TACC2: variants seen among roughly 807,000 people sequenced by gnomAD.
TACC2 encodes the protein transforming acidic coiled-coil-containing protein 2.
A neutral mutation model predicts 227.3 loss-of-function variants in TACC2; 137 were observed. The ratio of observed to expected loss-of-function variants is 0.60; its 90% CI spans 0.52 to 0.69. The LOEUF (loss-of-function observed/expected upper bound fraction) is 0.69. Among genes scored for constraint, TACC2 ranks in the 30% least tolerant of loss-of-function variants. The pLI, the probability that TACC2 is intolerant of heterozygous loss-of-function variation, is 0.00. For synonymous variants in TACC2, 1,523 were observed against 1,487.5 expected (o/e 1.02, Z -0.55); for missense variants, 3,470 against 3,694.4 (o/e 0.94, Z 1.57).
At chr10:122,208,097 C>G (rs1033815182) in intron 8 of TACC2, among the ~76,000 whole-genome samples, 2 of 152,124 alleles carry the variant, frequency 1.3e-5, no homozygotes, top group African/African-American at 4.8e-5. Context: ...CGAGGCAACA[C>G]CTTTTGAAAT....
intron 5 of TACC2, among the ~76,000 whole-genome samples, chr10:122,127,599 A>AT (rs113386550): frequency 2.1e-4 from 32 of 150,472 alleles, no homozygotes; most frequent in South Asian, 1.9e-3. Flanking sequence ...AATCTGACAG[A>AT]TTTTTTTTTT....
chr10:122,196,139 C>G (rs568178518), intron 8 of TACC2, among the ~76,000 whole-genome samples: 25 of 152,372 alleles, frequency 1.6e-4, no homozygotes, highest in Non-Finnish European at 3.2e-4. Context: ...CCACTGTGTA[C>G]TTGCCCTGGC....
chr10:122,035,814 T>C (rs1401559181), intron 2 of TACC2, among the ~76,000 whole-genome samples: 2 of 151,990 alleles, frequency 1.3e-5, no homozygotes, highest in Non-Finnish European at 2.9e-5. Flanking sequence ...CTTTCCTCTT[T>C]CCCTCCTTCC....
intron 16 of TACC2, among the ~76,000 whole-genome samples, chr10:122,231,903 AG>A (rs924523486): frequency 6.6e-6 from 1 of 152,290 alleles, no homozygotes; most frequent in Non-Finnish European, 1.5e-5. Context: ...GCTCATCTGC[AG>A]GGGGGCAGTG....
rs11816457 is a variant in TACC2, at chr10:122,117,473, G to T, written c.5574-15136G>T. 9.0e-3 allele frequency among the ~76,000 whole-genome samples: 1,372 copies of T among 152,270 alleles called. 22 individuals carry two copies. Among genetic ancestry groups the T allele is most frequent in the African/African-American group, 0.031 (1,306 of 41,544 alleles). Reference sequence around the variant, plus strand: ...GCCTCCCAAAATGCTGGGATTACAGGTGTGAGCCACCGCACCCAGCTGCCA... The same window carrying T: ...GCCTCCCAAAATGCTGGGATTACAGTTGTGAGCCACCGCACCCAGCTGCCA... On this transcript the variant is annotated intron_variant, in intron 5 of 22. Coordinates refer to ENST00000369005, the MANE Select transcript of TACC2 (RefSeq NM_206862.4).
intron 1 of TACC2, among the ~76,000 whole-genome samples, chr10:122,016,568 A>C (rs1477480492): frequency 1.2e-5 from 1 of 84,490 alleles, no homozygotes; most frequent in Non-Finnish European, 2.3e-5. Flanking sequence ...CTCTGTCTTA[A>C]AAAAAAAAAA....
intron 3 of TACC2, among the ~76,000 whole-genome samples, chr10:122,054,559 A>G (rs2076032229): frequency 6.6e-6 from 1 of 152,208 alleles, no homozygotes; most frequent in Non-Finnish European, 1.5e-5. Context: ...AGCTATTAAT[A>G]TTAGGTTGTA....
chr10:122,250,113 G>T (rs956051136), intron 22 of TACC2, among the ~76,000 whole-genome samples: 11 of 152,180 alleles, frequency 7.2e-5, no homozygotes, highest in African/African-American at 2.7e-4. Context: ...CAGGGACAGG[G>T]GTGATCTTCC....
chr10:122,169,068 A>G (rs2140015378), intron 7 of TACC2, among the ~76,000 whole-genome samples: 1 of 152,340 alleles, frequency 6.6e-6, no homozygotes, highest in African/African-American at 2.4e-5. Flanking sequence ...GAACTGACTG[A>G]GTCAGAACTG....
intron 5 of TACC2, among the ~76,000 whole-genome samples, chr10:122,120,969 T>A (rs562782052): frequency 4.9e-4 from 74 of 152,288 alleles, no homozygotes; most frequent in African/African-American, 1.7e-3. Flanking sequence ...TTTCGCCTTG[T>A]TGGCCAGGCC....
intron 3 of TACC2, among the ~76,000 whole-genome samples, chr10:122,077,485 C>T (rs2078948526): frequency 1.3e-5 from 2 of 151,910 alleles, no homozygotes; most frequent in African/African-American, 4.8e-5. Context: ...GGAGCTGCAA[C>T]CTGGTGGGGA....
chr10:122,024,963 A>G (rs779718129), intron 2 of TACC2, among the ~76,000 whole-genome samples: 1 of 152,192 alleles, frequency 6.6e-6, no homozygotes, highest in Non-Finnish European at 1.5e-5. Flanking sequence ...TGATAGTTGC[A>G]TGTTTAGTTT....
chr10:122,097,287 C>T (rs540765401), intron 5 of TACC2, among the ~76,000 whole-genome samples: 70 of 152,206 alleles, frequency 4.6e-4, no homozygotes, highest in Middle Eastern at 3.4e-3. Context: ...CAAGGTCATA[C>T]CACTGTACTC....
chr10:122,025,826 G>A (rs1456355272), intron 2 of TACC2, among the ~76,000 whole-genome samples: 4 of 145,190 alleles, frequency 2.8e-5, no homozygotes, highest in Non-Finnish European at 6.1e-5. Context: ...CACCCGCCTC[G>A]GCTGCCCAAA....
chr10:122,149,962 C>T (rs925477335), intron 7 of TACC2, among the ~76,000 whole-genome samples: 5 of 152,196 alleles, frequency 3.3e-5, no homozygotes, highest in Admixed American at 1.3e-4. Flanking sequence ...TGATGGGTCC[C>T]CTGGTTCCCG....
intron 7 of TACC2, among the ~76,000 whole-genome samples, chr10:122,152,095 C>A (rs1046793276): frequency 2.6e-5 from 4 of 152,172 alleles, no homozygotes; most frequent in Non-Finnish European, 5.9e-5. Flanking sequence ...AACATGGAGA[C>A]CTTGGAGTGT....
intron 8 of TACC2, among the ~76,000 whole-genome samples, chr10:122,203,247 C>T: frequency 6.8e-6 from 1 of 147,978 alleles, no homozygotes; most frequent in African/African-American, 2.6e-5. Flanking sequence ...CGGGCAGAGG[C>T]ACCCCTCACC....
chr10:122,237,213 A>T (rs1222262046), intron 16 of TACC2, among the ~76,000 whole-genome samples, 182 bp from the exon 17 acceptor site: 4 of 150,702 alleles, frequency 2.7e-5, no homozygotes, highest in African/African-American at 9.7e-5. Flanking sequence ...AGAATGATAG[A>T]TCTCCATCCA....
At chr10:121,995,772 T>C (rs1007248263) in intron 1 of TACC2, among the ~76,000 whole-genome samples, 6 of 152,150 alleles carry the variant, frequency 3.9e-5, no homozygotes, top group Non-Finnish European at 7.4e-5. Flanking sequence ...TTTTTTGTTT[T>C]GAGACAGAGT....
Sources: gnomAD v4.1 joint callset for allele counts (sites outside exome capture counted in the v4.1 genomes callset) on GRCh38, gnomAD v4.1.1 for gene constraint, MANE v1.5 for transcripts, NCBI Gene and HGNC (gene_info 2026-07-23, HGNC 2026-07-21) for gene names.